MME: variants seen among roughly 807,000 people sequenced by gnomAD.
MME encodes the protein neprilysin.
A neutral mutation model predicts 113.2 loss-of-function variants in MME; 98 were observed. That is an observed-to-expected ratio of 0.87 (90% CI 0.74 to 1.02). The LOEUF (loss-of-function observed/expected upper bound fraction) is 1.02, where lower values mean the gene tolerates loss of function less well. Among genes scored for constraint, MME ranks in the 50% least tolerant of loss-of-function variants. The pLI is 0.00. For synonymous variants in MME, 292 were observed against 300.6 expected, an observed-to-expected ratio of 0.97 and a Z score of 0.30; for missense variants, 836 against 896.0, an observed-to-expected ratio of 0.93 and a Z score of 0.86.
chr3:155,165,476 G>A lies in MME; in HGVS notation c.1661-1426G>A, dbSNP rs77457271. 2.3e-3 allele frequency among the ~76,000 whole-genome samples: 356 copies of A among 152,200 alleles called. 1 individual carries two copies. Among genetic ancestry groups the A allele is most frequent in the African/African-American group, 8.3e-3 (344 of 41,540 alleles). On this transcript the variant is annotated intron_variant, in intron 17 of 22. Coordinates refer to ENST00000360490, the MANE Select transcript of MME (RefSeq NM_007289.4). Reference sequence around the variant, plus strand: ...AGGGTATGATGGAGGTGGAGAGGTGGGAGAGGACCCTGGGGCCATAGGCCA... The same window carrying A: ...AGGGTATGATGGAGGTGGAGAGGTGAGAGAGGACCCTGGGGCCATAGGCCA...
At chr3:155,160,284 A>G (rs1722620853) in intron 16 of MME, 106 bp from the exon 17 acceptor site, 1 of 813,992 alleles carries the variant, frequency 1.2e-6, no homozygotes, top group African/African-American at 1.7e-5. Context: ...TGTTTCAAAC[A>G]GAAAGTTAAG....
At chr3:155,130,923 A>G (rs1720098196) in intron 8 of MME, among the ~76,000 whole-genome samples, 1 of 152,220 alleles carries the variant, frequency 6.6e-6, no homozygotes. Flanking sequence ...TAGGCAGTAG[A>G]CATTCCAAGG....
chr3:155,176,869 C>G (rs1373582972), intron 22 of MME, among the ~76,000 whole-genome samples: 1 of 151,932 alleles, frequency 6.6e-6, no homozygotes, highest in Non-Finnish European at 1.5e-5. Flanking sequence ...GTCATAAACA[C>G]CAAATGTTAA....
chr3:155,051,737 G>T (rs2108128364), intron 1 of MME, among the ~76,000 whole-genome samples: 2 of 152,176 alleles, frequency 1.3e-5, no homozygotes, highest in Middle Eastern at 3.4e-3. Flanking sequence ...GGGATACAAA[G>T]CCTAACCATA....
At chr3:155,055,944 A>G (rs1713911976) in intron 1 of MME, among the ~76,000 whole-genome samples, 1 of 151,950 alleles carries the variant, frequency 6.6e-6, no homozygotes, top group Non-Finnish European at 1.5e-5. Flanking sequence ...AGGTTAGGCC[A>G]TTGTTTGTTT....
At chr3:155,145,157 C>T (rs1179214991) in intron 14 of MME, among the ~76,000 whole-genome samples, 1 of 152,106 alleles carries the variant, frequency 6.6e-6, no homozygotes, top group Non-Finnish European at 1.5e-5. Flanking sequence ...ACCTCTGCCC[C>T]CAGTATTGCT....
At chr3:155,036,513 A>G (rs1184674428) in intron 1 of MME, among the ~76,000 whole-genome samples, 1 of 152,130 alleles carries the variant, frequency 6.6e-6, no homozygotes, top group African/African-American at 2.4e-5. Flanking sequence ...TTTCATATAC[A>G]TGTGATCATA....
chr3:155,103,403 G>C (rs1305602007), intron 3 of MME, among the ~76,000 whole-genome samples: 1 of 152,084 alleles, frequency 6.6e-6, no homozygotes, highest in Non-Finnish European at 1.5e-5. Context: ...TCTCAGTTCA[G>C]TATTTCTGTA....
intron 16 of MME, among the ~76,000 whole-genome samples, chr3:155,149,219 T>A (rs1021858699): frequency 6.6e-6 from 1 of 152,182 alleles, no homozygotes; most frequent in Admixed American, 6.6e-5. Context: ...TAGTTTAGAT[T>A]TTATTTTTTC....
chr3:155,078,432 T>C (rs1164792451), upstream of MME, among the ~76,000 whole-genome samples: 5 of 152,176 alleles, frequency 3.3e-5, no homozygotes, highest in Admixed American at 6.5e-5. Context: ...TATTTAAAGA[T>C]TGGTTAGCTT....
chr3:155,045,411 G>A (rs1045979417), intron 1 of MME, among the ~76,000 whole-genome samples: 5 of 151,798 alleles, frequency 3.3e-5, no homozygotes, highest in Admixed American at 2.0e-4. Context: ...GCCTCCCAAA[G>A]TTCTGGGATT....
chr3:155,084,992 C>A, intron 2 of MME, 67 bp from the exon 3 acceptor site: 1 of 1,155,102 alleles, frequency 8.7e-7, no homozygotes, highest in Non-Finnish European at 1.2e-6. Context: ...TTTAAAAGAA[C>A]AAAAGAAAAA....
rs35653282 is a variant in MME at position 155,140,410 on chromosome 3, C to CTTTT, written c.957+139_957+142dup. 1.0e-3 allele frequency: 289 copies of CTTTT among 288,694 alleles called. 1 individual carries two copies. The highest frequency in any genetic ancestry group is 2.3e-3 in the Middle Eastern group (2 of 884). The allele number at this position is 288,694 out of a possible 1,614,324, so 17.9% of individuals were successfully genotyped here. ...ATTGAAGTAAATGGGACTTCAATTC[C>CTTTT]TTTTTTTTTTTTTTTTTTTTTTTTG... is the stretch of plus-strand genomic sequence containing the variant. On this transcript the variant is annotated intron_variant, in intron 10 of 22. Transcript: ENST00000360490.
At chr3:155,066,826 T>A (rs902962136) in intron 1 of MME, among the ~76,000 whole-genome samples, 1 of 152,230 alleles carries the variant, frequency 6.6e-6, no homozygotes, top group African/African-American at 2.4e-5. Context: ...CAGCTATTAC[T>A]ACAGAGATGT....
chr3:155,178,273 C>G (rs1031745163), intron 22 of MME, among the ~76,000 whole-genome samples: 1 of 152,078 alleles, frequency 6.6e-6, no homozygotes. Flanking sequence ...ATTACATCCT[C>G]CATGAAAGAT....
At chr3:155,061,343 T>C (rs146377845) in intron 1 of MME, among the ~76,000 whole-genome samples, 8,589 of 147,604 alleles carry the variant, frequency 0.058, 301 homozygotes, top group African/African-American at 0.095. Context: ...CCCAGCTACT[T>C]GGGAGGCTGA....
intron 16 of MME, among the ~76,000 whole-genome samples, chr3:155,153,987 T>G (rs140376817): frequency 3.9e-5 from 6 of 152,296 alleles, no homozygotes; most frequent in African/African-American, 1.4e-4. Flanking sequence ...AGAACAGCAC[T>G]TTTTTCAAAC....
At chr3:155,143,367 T>C (rs1176412713) in intron 12 of MME, 76 bp from the exon 13 acceptor site, 6 of 1,540,290 alleles carry the variant, frequency 3.9e-6, no homozygotes, top group Non-Finnish European at 5.4e-6. Flanking sequence ...GATGAGACAT[T>C]TGTGAAATGT....
chr3:155,162,661 G>A (rs1055977708), intron 17 of MME, among the ~76,000 whole-genome samples: 1 of 151,928 alleles, frequency 6.6e-6, no homozygotes, highest in Non-Finnish European at 1.5e-5. Context: ...TTCAAAGTGG[G>A]GATTGTCTTA....
Sources: allele counts gnomAD v4.1 joint callset (sites outside exome capture counted in the v4.1 genomes callset), GRCh38; gene constraint gnomAD v4.1.1; transcripts MANE v1.5; gene names NCBI Gene and HGNC (gene_info 2026-07-23, HGNC 2026-07-21).